CNTNAP2: variants seen among roughly 807,000 people sequenced by gnomAD.
CNTNAP2 encodes the protein contactin associated protein 2.
Under a neutral mutation model 155.2 loss-of-function variants are expected in CNTNAP2, and 98 were observed. That is an observed-to-expected ratio of 0.63 (90% CI 0.54 to 0.75). CNTNAP2 has a LOEUF of 0.75. Among genes scored for constraint, CNTNAP2 ranks in the 30% least tolerant of loss-of-function variants. The pLI is 0.00. For missense variants in CNTNAP2, 1,727 were observed against 1,688.1 expected (o/e 1.02, Z -0.40); for synonymous variants, 651 against 631.2 (o/e 1.03, Z -0.47).
intron 17 of CNTNAP2, among the ~76,000 whole-genome samples, chr7:148,163,596 A>G (rs984726705): frequency 6.6e-6 from 1 of 152,238 alleles, no homozygotes; most frequent in Non-Finnish European, 1.5e-5. Flanking sequence ...TGAGGACACA[A>G]GAAAATCCAT....
chr7:147,673,739 G>C (rs1363173021), intron 13 of CNTNAP2, among the ~76,000 whole-genome samples: 1 of 152,116 alleles, frequency 6.6e-6, no homozygotes, highest in African/African-American at 2.4e-5. Flanking sequence ...ATTAGATTTT[G>C]AGACACAGAC....
intron 13 of CNTNAP2, among the ~76,000 whole-genome samples, chr7:147,696,573 T>G (rs1201361540): frequency 6.6e-6 from 1 of 152,116 alleles, no homozygotes; most frequent in Non-Finnish European, 1.5e-5. Context: ...GTTTTTGTTG[T>G]GTCTTCCCTT....
intron 1 of CNTNAP2, among the ~76,000 whole-genome samples, chr7:146,720,023 GT>G (rs926659622): frequency 6.6e-6 from 1 of 151,756 alleles, no homozygotes; most frequent in Non-Finnish European, 1.5e-5. Flanking sequence ...GGCAAGTACT[GT>G]TTTTTTGGTT....
intron 1 of CNTNAP2, among the ~76,000 whole-genome samples, chr7:146,502,499 C>G (rs1797320333): frequency 6.6e-6 from 1 of 151,894 alleles, no homozygotes; most frequent in Non-Finnish European, 1.5e-5. Flanking sequence ...ATTTACCTCC[C>G]CATCAGCAGT....
intron 9 of CNTNAP2, among the ~76,000 whole-genome samples, chr7:147,390,084 A>G (rs1796684247): frequency 6.6e-6 from 1 of 152,128 alleles, no homozygotes; most frequent in Non-Finnish European, 1.5e-5. Context: ...ATTTGTTCAT[A>G]AAGAGAACAA....
At position 146,932,132 on chromosome 7, in the gene CNTNAP2, C is replaced by A. The variant is rs750473078; in HGVS notation, c.402+92228C>A. 3.7e-3 allele frequency among the ~76,000 whole-genome samples: 558 copies of A among 151,838 alleles called. 2 individuals carry two copies. Among genetic ancestry groups the A allele is most frequent in the Non-Finnish European group, 6.5e-3 (443 of 67,920 alleles). On this transcript the variant is annotated intron_variant, in intron 3 of 23. Transcript: ENST00000361727. ...TACCAAAGCCTGGCAGAGACACAAC[C>A]AAAAAAGAGAATTTTAGACCAATAT...
rs984021181 is a variant in CNTNAP2, at chr7:146,756,145, A to C, written c.98-18126A>C. Among the ~76,000 whole-genome samples, 14 of 152,002 alleles carry C rather than the reference A, an allele frequency of 9.2e-5. 1 individual carries two copies. The South Asian group carries it at 1.0e-3, about 11-fold the overall frequency. On this transcript the variant is annotated intron_variant, in intron 1 of 23. Coordinates refer to ENST00000361727, the MANE Select transcript of CNTNAP2 (RefSeq NM_014141.6). ...TTGGTTTACATGAATGCCTGCAAAA[A>C]ATAAGTAATTTTGACTACCTACAAA...
intron 1 of CNTNAP2, among the ~76,000 whole-genome samples, chr7:146,127,291 C>T (rs984733798): frequency 6.6e-6 from 1 of 152,156 alleles, no homozygotes; most frequent in Admixed American, 6.5e-5. Flanking sequence ...GTATCAACAC[C>T]TCCCTGTGGC....
intron 15 of CNTNAP2, among the ~76,000 whole-genome samples, chr7:147,980,731 T>C (rs1335588000): frequency 1.3e-5 from 2 of 149,214 alleles, no homozygotes; most frequent in African/African-American, 5.0e-5. Flanking sequence ...GAGACCATCC[T>C]GGCTAACGCG....
chr7:146,942,967 A>C (rs974554713), intron 3 of CNTNAP2, among the ~76,000 whole-genome samples: 25 of 152,310 alleles, frequency 1.6e-4, no homozygotes, highest in African/African-American at 6.0e-4. Context: ...AAATTTAGAA[A>C]TAGTGTTCAT....
intron 1 of CNTNAP2, among the ~76,000 whole-genome samples, chr7:146,231,585 A>G (rs802547): frequency 0.69 from 105,027 of 152,118 alleles, 37,413 homozygotes; most frequent in East Asian, 0.94. Context: ...GTGCTTTTGC[A>G]TAGTAATCCT....
At chr7:146,834,904 A>G (rs980781231) in intron 2 of CNTNAP2, among the ~76,000 whole-genome samples, 48 of 152,148 alleles carry the variant, frequency 3.2e-4, no homozygotes, top group African/African-American at 1.1e-3. Context: ...AGCCAAGTAA[A>G]CAAAGTAATA....
rs1009940281 is a variant in CNTNAP2, at chr7:147,154,431, C to A, written c.1348+21922C>A. On this transcript the variant is annotated intron_variant, in intron 8 of 23. Coordinates refer to ENST00000361727, the MANE Select transcript of CNTNAP2 (RefSeq NM_014141.6). ...CTTTTAATCTTTTCTGAATTGAGTACTGTTTAAAGGAAGTATGGATTTTTA... is the reference window on the plus strand; with the variant it reads ...CTTTTAATCTTTTCTGAATTGAGTAATGTTTAAAGGAAGTATGGATTTTTA... Among the ~76,000 whole-genome samples, 3 of 152,122 alleles carry A rather than the reference C, an allele frequency of 2.0e-5. No individual in the cohort carries two copies. In the East Asian group the frequency reaches 5.8e-4, roughly 29 times the overall value.
chr7:146,910,910 A>G (rs1263664539), intron 3 of CNTNAP2, among the ~76,000 whole-genome samples: 1 of 151,130 alleles, frequency 6.6e-6, no homozygotes, highest in African/African-American at 2.5e-5. Flanking sequence ...TACTCATCTG[A>G]CAAAGAGCTA....
intron 9 of CNTNAP2, among the ~76,000 whole-genome samples, chr7:147,333,461 C>T (rs1235150443): frequency 6.6e-6 from 1 of 152,154 alleles, no homozygotes; most frequent in Non-Finnish European, 1.5e-5. Flanking sequence ...GCTACAGAAT[C>T]TGAATTTGCT....
At chr7:146,713,733 A>G (rs1801138572) in intron 1 of CNTNAP2, among the ~76,000 whole-genome samples, 2 of 152,084 alleles carry the variant, frequency 1.3e-5, no homozygotes, top group Admixed American at 1.3e-4. Context: ...AGCACTGCCA[A>G]CGTTTACTCA....
Position 147,094,271 on chromosome 7 carries a change from G to A in CNTNAP2, c.551-13876G>A, listed in dbSNP as rs530478614. Among the ~76,000 whole-genome samples the A allele has an allele frequency of 2.6e-5, 4 of 152,126 alleles. No individual in the cohort carries two copies. In the East Asian group the frequency reaches 7.7e-4, roughly 29 times the overall value. On this transcript the variant is annotated intron_variant, in intron 4 of 23. Transcript: ENST00000361727. ...AAATTTCTATCAACATTCTGTTCAC[G>A]GCCACTTAGGTATACCTTAAGAAGA...
intron 13 of CNTNAP2, among the ~76,000 whole-genome samples, chr7:147,689,321 T>C (rs889837849): frequency 6.6e-6 from 1 of 152,048 alleles, no homozygotes. Context: ...AGTTAATTTT[T>C]TGATTTTTAG....
chr7:146,654,515 A>T lies in CNTNAP2; in HGVS notation c.98-119756A>T, dbSNP rs568462087. Among the ~76,000 whole-genome samples the T allele has an allele frequency of 2.6e-5, 4 of 152,304 alleles. No individual in the cohort carries two copies. The East Asian group carries it at 7.7e-4, about 29-fold the overall frequency. ...AAAGCAATTGCAGTTAGACAAAATG[A>T]CATAAATATTAAAGATTAAGAATAA... On this transcript the variant is annotated intron_variant, in intron 1 of 23. Transcript: ENST00000361727.
Sources: allele counts gnomAD v4.1 joint callset (sites outside exome capture counted in the v4.1 genomes callset), GRCh38; gene constraint gnomAD v4.1.1; transcripts MANE v1.5; gene names NCBI Gene and HGNC (gene_info 2026-07-23, HGNC 2026-07-21).